ZSCAN25: variants seen among roughly 807,000 people sequenced by gnomAD.
ZSCAN25 encodes the protein zinc finger and SCAN domain containing 25.
A neutral mutation model predicts 38.7 loss-of-function variants in ZSCAN25; 27 were observed. The observed-to-expected ratio is 0.70, with a 90% CI of 0.51 to 0.96. The LOEUF (loss-of-function observed/expected upper bound fraction) is 0.96, where lower values mean the gene tolerates loss of function less well. ZSCAN25 is among the 40% of genes least tolerant of loss of function. The pLI is 0.00. For missense variants in ZSCAN25, 637 were observed against 705.9 expected (o/e 0.90, Z 1.11); for synonymous variants, 273 against 277.7 (o/e 0.98, Z 0.17).
At chr7:99,705,253 A>T in the ZSCAN25 span, 22 of 425,174 alleles carry the variant, frequency 5.2e-5, no homozygotes, top group Admixed American at 8.3e-4. Context: ...AGATAGTCCT[A>T]TGAGAAGCAG....
the ZSCAN25 span, chr7:99,715,464 T>C: frequency 2.7e-6 from 1 of 376,478 alleles, no homozygotes; most frequent in South Asian, 2.8e-5. Flanking sequence ...AAAATTAATA[T>C]CATTTCTATG....
At chr7:99,734,052 A>T in the ZSCAN25 span, among the ~76,000 whole-genome samples, 2 of 152,234 alleles carry the variant, frequency 1.3e-5, no homozygotes, top group African/African-American at 2.4e-5. Flanking sequence ...CAGAAGGAAC[A>T]TGCTGGAAAT....
At chr7:99,714,527 T>C in the ZSCAN25 span, 1 of 1,610,636 alleles carries the variant, frequency 6.2e-7, no homozygotes, top group Non-Finnish European at 8.5e-7. Context: ...AAACTAAACA[T>C]CCTCCTATAA....
At chr7:99,622,732 C>A in intron 6 of ZSCAN25, 92 bp downstream of exon 6, 1 of 1,229,574 alleles carries the variant, frequency 8.1e-7, no homozygotes, top group Non-Finnish European at 1.2e-6. Flanking sequence ...GTGTTCCCTT[C>A]CCGCCCCAAG....
Position 99,624,054 on chromosome 7 carries a change from C to T in ZSCAN25, c.682-3C>T. The T allele has an allele frequency of 6.2e-7, 1 of 1,614,176 alleles. No homozygotes were observed. On this transcript the variant is annotated splice_polypyrimidine_tract_variant and splice_region_variant and intron_variant, in intron 6 of 7. Coordinates refer to ENST00000394152, the MANE Select transcript of ZSCAN25 (RefSeq NM_145115.3). ...TATTCATAGCAATCTCCTATTGTTG[C>T]AGGGGTTGGGGCCATTTAAAGATAT... is the stretch of plus-strand genomic sequence containing the variant.
chr7:99,662,912 A>G, the ZSCAN25 span: 11 of 1,612,884 alleles, frequency 6.8e-6, no homozygotes, highest in African/African-American at 1.3e-5. This position sits in a 1 kb window ranked among gnomAD's most constrained non-coding sequence, Gnocchi z 4.3. Flanking sequence ...TTTCTTTGGC[A>G]GAAAGTGACT....
the ZSCAN25 span, among the ~76,000 whole-genome samples, chr7:99,707,096 T>G: frequency 6.6e-6 from 1 of 152,126 alleles, no homozygotes; most frequent in African/African-American, 2.4e-5. Context: ...GAACTAGGAC[T>G]TGAAAGATAA....
chr7:99,655,627 T>C, the ZSCAN25 span, among the ~76,000 whole-genome samples: 633 of 152,348 alleles, frequency 4.2e-3, 5 homozygotes, highest in African/African-American at 0.015. Flanking sequence ...AAGTCATTGG[T>C]AGCTTGATGG....
rs761704567 is a variant in ZSCAN25, at chr7:99,629,475, G to A, written c.1090G>A (p.Val364Ile). 21 of 1,614,236 alleles carry A rather than the reference G, an allele frequency of 1.3e-5. No homozygotes were observed. Among genetic ancestry groups the A allele is most frequent in the Middle Eastern group, 3.3e-4 (2 of 6,062 alleles). Reference sequence around the variant, plus strand: ...AGGATTCAGTCGGAGCTCCAATCTCGTCAGGCACCAGCGAACCCACGAAGA... The same window carrying A: ...AGGATTCAGTCGGAGCTCCAATCTCATCAGGCACCAGCGAACCCACGAAGA... ...GKGFSRSSNLVRHQRTHEEKS... is the reference protein window; with the variant it reads ...GKGFSRSSNLIRHQRTHEEKS... Residue 364 changes from valine to isoleucine, a missense_variant, in exon 8 of 8, where the codon GTC becomes ATC. Coordinates refer to ENST00000394152, the MANE Select transcript of ZSCAN25 (RefSeq NM_145115.3). This position sits in a 1 kb window ranked among gnomAD's most constrained non-coding sequence, Gnocchi z 5.6.
rs896251200 is a variant in ZSCAN25, at chr7:99,630,833, A to G, written c.*813A>G. 3 of 985,230 alleles carry G rather than the reference A, an allele frequency of 3.0e-6. No individual in the cohort carries two copies. The highest frequency in any genetic ancestry group is 3.6e-6 in the Non-Finnish European group (3 of 829,830). The allele number at this position is 985,230 out of a possible 1,614,324, so 61.0% of individuals were successfully genotyped here. A position where few individuals can be genotyped will look rare whatever the true frequency, so the allele number is the denominator to read the frequency against. On this transcript the variant is annotated 3_prime_UTR_variant, in exon 8 of 8. Transcript: ENST00000394152. ...TTAGTATTTTGCTATTGATCACTGA[A>G]TAAACATCAGAGTATTTTAAAAAAC...
the ZSCAN25 span, chr7:99,714,717 A>G: frequency 2.5e-6 from 4 of 1,603,324 alleles, no homozygotes; most frequent in African/African-American, 4.0e-5. Flanking sequence ...AAACGAAACC[A>G]TTGTGAACAT....
chr7:99,632,960 A>G (rs1019746112), downstream of ZSCAN25, among the ~76,000 whole-genome samples: 4 of 145,570 alleles, frequency 2.7e-5, no homozygotes, highest in African/African-American at 7.8e-5. Context: ...TTTATCCTGG[A>G]GAGTTTTTTA....
chr7:99,727,273 C>A, the ZSCAN25 span, among the ~76,000 whole-genome samples: 18 of 152,358 alleles, frequency 1.2e-4, no homozygotes, highest in African/African-American at 3.8e-4. Flanking sequence ...TTAGGCTGGT[C>A]ATCATGTCTC....
At chr7:99,688,499 C>T in the ZSCAN25 span, among the ~76,000 whole-genome samples, 1 of 152,196 alleles carries the variant, frequency 6.6e-6, no homozygotes, top group Non-Finnish European at 1.5e-5. Context: ...GCACCCAATA[C>T]AGGAGCACCC....
At position 99,631,144 on chromosome 7, in the gene ZSCAN25, A is replaced by T; in HGVS notation, c.*1124A>T. ...TTCAGAACCCGTGGATATTCCTGCA[A>T]ATCCTCTGGGCCTGTATTCATTGCT... On this transcript the variant is annotated 3_prime_UTR_variant, in exon 8 of 8. Coordinates refer to ENST00000394152, the MANE Select transcript of ZSCAN25 (RefSeq NM_145115.3). The T allele has an allele frequency of 1.0e-6, 1 of 985,386 alleles. No individual in the cohort carries two copies. The highest frequency in any genetic ancestry group is 1.2e-6 in the Non-Finnish European group (1 of 829,924). 61.0% of individuals were successfully genotyped at this position (985,386 alleles called of 1,614,324 possible). A position where few individuals can be genotyped will look rare whatever the true frequency, so the allele number is the denominator to read the frequency against.
In ZSCAN25 at chr7:99,623,942, C is replaced by A. The variant is rs916796014; in HGVS notation, c.682-115C>A. 3 of 1,444,346 alleles carry A rather than the reference C, an allele frequency of 2.1e-6. 1 individual carries two copies. In the African/African-American group the frequency reaches 4.2e-5, roughly 20 times the overall value. 89.5% of individuals were successfully genotyped at this position (1,444,346 alleles called of 1,614,324 possible). A position where few individuals can be genotyped will look rare whatever the true frequency, so the allele number is the denominator to read the frequency against. ...TGCAGTGGCTCAAACAAGTGGATTACTCCCATTCAACTGTTGGGAGGAAGC... is the reference window on the plus strand; with the variant it reads ...TGCAGTGGCTCAAACAAGTGGATTAATCCCATTCAACTGTTGGGAGGAAGC... On this transcript the variant is annotated intron_variant, in intron 6 of 7. Transcript: ENST00000394152.
the ZSCAN25 span, among the ~76,000 whole-genome samples, chr7:99,680,665 ATCCCC>A: frequency 6.6e-6 from 1 of 152,170 alleles, no homozygotes; most frequent in Admixed American, 6.5e-5. Flanking sequence ...TGGGCGTCTC[ATCCCC>A]TCTGACTCTG....
chr7:99,652,461 C>T, the ZSCAN25 span: 1 of 764,210 alleles, frequency 1.3e-6, no homozygotes, highest in Non-Finnish European at 2.1e-6. Flanking sequence ...AATGATTGTA[C>T]AACCACACGA....
At chr7:99,635,829 C>T (rs192573563), downstream of ZSCAN25, among the ~76,000 whole-genome samples, 54 of 152,092 alleles carry the variant, frequency 3.6e-4, no homozygotes, top group African/African-American at 1.3e-3. Flanking sequence ...GGGCGGATCA[C>T]GAGGTCAGGA....
Sources: allele counts gnomAD v4.1 joint callset (sites outside exome capture counted in the v4.1 genomes callset), GRCh38; gene constraint gnomAD v4.1.1; non-coding constraint Gnocchi (gnomAD v3.1); transcripts MANE v1.5; gene names NCBI Gene and HGNC (gene_info 2026-07-23, HGNC 2026-07-21).